The following MAML3 variants were observed in gnomAD, a reference collection of about 807,000 sequenced individuals.
The protein encoded by MAML3 is mastermind like transcriptional coactivator 3.
A neutral mutation model predicts 101.9 loss-of-function variants in MAML3; 27 were observed. The observed-to-expected ratio is 0.27, with a 90% CI of 0.20 to 0.37. MAML3 has a LOEUF of 0.37. MAML3 is among the 10% of genes least tolerant of loss of function. The pLI is 1.00. For missense variants in MAML3, 1,316 were observed against 1,444.9 expected, an observed-to-expected ratio of 0.91 and a Z score of 1.45; for synonymous variants, 501 against 555.9, an observed-to-expected ratio of 0.90 and a Z score of 1.39.
chr4:139,942,211 A>AGGCAGGCAGGCAGGCAGGC (rs879494193), intron 1 of MAML3, among the ~76,000 whole-genome samples: 39 of 148,898 alleles, frequency 2.6e-4, no homozygotes, highest in African/African-American at 8.2e-4. Context: ...GGCAGGCAGG[A>AGGCAGGCAGGCAGGCAGGC]AGGAAGACAT....
intron 1 of MAML3, among the ~76,000 whole-genome samples, chr4:139,964,581 TA>T (rs1232578793): frequency 6.6e-6 from 1 of 151,850 alleles, no homozygotes; most frequent in Non-Finnish European, 1.5e-5. Flanking sequence ...AAACAAAAAT[TA>T]AAAAAAACCA....
At chr4:139,921,693 A>T (rs1345047734) in intron 1 of MAML3, among the ~76,000 whole-genome samples, 1 of 151,870 alleles carries the variant, frequency 6.6e-6, no homozygotes, top group African/African-American at 2.4e-5. Flanking sequence ...CTGACACTAC[A>T]ATTCCTCCAC....
intron 1 of MAML3, among the ~76,000 whole-genome samples, chr4:140,048,846 C>T (rs1384370903): frequency 1.3e-5 from 2 of 152,026 alleles, no homozygotes; most frequent in African/African-American, 2.4e-5. Context: ...AGACGATATA[C>T]GGAATACTTT....
chr4:139,751,639 C>T (rs1174364765), intron 2 of MAML3, among the ~76,000 whole-genome samples: 2 of 152,082 alleles, frequency 1.3e-5, no homozygotes, highest in East Asian at 1.9e-4. Flanking sequence ...CCACAATAGC[C>T]CCTAACCCTA....
At chr4:140,077,917 C>T (rs918925134) in intron 1 of MAML3, among the ~76,000 whole-genome samples, 27 of 152,066 alleles carry the variant, frequency 1.8e-4, no homozygotes, top group South Asian at 4.2e-4. Context: ...ACTCGGGAGG[C>T]CCAGGCAGGA....
intron 1 of MAML3, among the ~76,000 whole-genome samples, chr4:139,989,671 ACC>A (rs1317525589): frequency 1.3e-5 from 2 of 151,946 alleles, no homozygotes; most frequent in Non-Finnish European, 2.9e-5. Context: ...TTGTCTTCCT[ACC>A]CAGGTGTTTT....
chr4:139,837,423 G>A (rs990806156), intron 2 of MAML3, among the ~76,000 whole-genome samples: 8 of 151,846 alleles, frequency 5.3e-5, no homozygotes, highest in African/African-American at 1.2e-4. Flanking sequence ...GCATGAACCC[G>A]GGAAGTGGAC....
chr4:139,829,008 AGGAAGGAAGGAAGGACGGAC>A (rs1377332079), intron 2 of MAML3, among the ~76,000 whole-genome samples: 4 of 141,310 alleles, frequency 2.8e-5, no homozygotes, highest in South Asian at 2.4e-4. Flanking sequence ...GAAGGAAGGA[AGGAAGGAAGGAAGGACGGAC>A]GGACGGACTA....
intron 1 of MAML3, among the ~76,000 whole-genome samples, chr4:139,903,160 T>A (rs1013512171): frequency 3.3e-5 from 5 of 152,188 alleles, no homozygotes; most frequent in South Asian, 2.1e-4. Flanking sequence ...CTTTAAAAAA[T>A]TTTTATTTTT....
intron 1 of MAML3, among the ~76,000 whole-genome samples, chr4:140,145,395 G>A (rs1234945541): frequency 2.6e-5 from 4 of 152,294 alleles, no homozygotes; most frequent in African/African-American, 9.6e-5. Context: ...GCAAAAGGGG[G>A]ATGAATGTTA....
intron 1 of MAML3, among the ~76,000 whole-genome samples, chr4:140,073,698 C>G (rs962085143): frequency 2.6e-5 from 4 of 152,140 alleles, no homozygotes; most frequent in African/African-American, 9.7e-5. Flanking sequence ...AAAAAATAGT[C>G]TTCAAAATAA....
chr4:139,837,730 G>C lies in MAML3; in HGVS notation c.2079+51627C>G, dbSNP rs940348661. 2.7e-4 allele frequency among the ~76,000 whole-genome samples: 41 copies of C among 151,998 alleles called. 1 individual carries two copies. The highest frequency in any genetic ancestry group is 5.9e-4 in the Admixed American group (9 of 15,252). ...AGGTCAGGAGTTCAAGAGCAGACTGGCCAACATGGTGAAGCCCTGTCTCTA... is the reference window on the plus strand; with the variant it reads ...AGGTCAGGAGTTCAAGAGCAGACTGCCCAACATGGTGAAGCCCTGTCTCTA... On this transcript the variant is annotated intron_variant, in intron 2 of 4. Transcript: ENST00000509479.
chr4:139,737,982 C>T (rs1034485883), intron 2 of MAML3, among the ~76,000 whole-genome samples: 1 of 152,234 alleles, frequency 6.6e-6, no homozygotes, highest in Non-Finnish European at 1.5e-5. Context: ...GCAGCAATAA[C>T]TTGGGGCCCA....
chr4:140,011,822 G>T (rs1360707451), intron 1 of MAML3, among the ~76,000 whole-genome samples: 2 of 152,138 alleles, frequency 1.3e-5, no homozygotes, highest in Admixed American at 6.5e-5. Flanking sequence ...TTTCTAAAAT[G>T]CAATTAATGA....
chr4:139,896,870 G>A (rs1216196894), intron 1 of MAML3, among the ~76,000 whole-genome samples: 1 of 152,164 alleles, frequency 6.6e-6, no homozygotes, highest in Non-Finnish European at 1.5e-5. Context: ...AAGGGGCAGT[G>A]TTTTGGAGAG....
chr4:139,752,539 A>G (rs976668229), intron 2 of MAML3, among the ~76,000 whole-genome samples: 2 of 152,202 alleles, frequency 1.3e-5, no homozygotes, highest in African/African-American at 4.8e-5. Flanking sequence ...GATGGCTGGG[A>G]AAGTGGCTGG....
intron 1 of MAML3, among the ~76,000 whole-genome samples, chr4:139,925,612 G>A (rs1390506875): frequency 6.6e-6 from 1 of 152,104 alleles, no homozygotes; most frequent in Non-Finnish European, 1.5e-5. Flanking sequence ...AAATAAGGAT[G>A]AGAGAATGAT....
At chr4:139,936,806 T>G (rs940162266) in intron 1 of MAML3, among the ~76,000 whole-genome samples, 2 of 152,156 alleles carry the variant, frequency 1.3e-5, no homozygotes, top group Non-Finnish European at 2.9e-5. Context: ...CAAAGCCACT[T>G]AAATAGCGTT....
chr4:140,054,186 A>G (rs1341713349), intron 1 of MAML3, among the ~76,000 whole-genome samples: 1 of 152,072 alleles, frequency 6.6e-6, no homozygotes, highest in African/African-American at 2.4e-5. Flanking sequence ...CCTGGCCAAC[A>G]TGGTGAAACC....
Sources: allele counts gnomAD v4.1 joint callset (sites outside exome capture counted in the v4.1 genomes callset), GRCh38; gene constraint gnomAD v4.1.1; transcripts MANE v1.5; gene names NCBI Gene and HGNC (gene_info 2026-07-23, HGNC 2026-07-21).